Variants in RUFY2 observed in about 807,000 individuals in gnomAD.
RUFY2 encodes RUN and FYVE domain-containing protein 2.
A neutral mutation model predicts 94.4 loss-of-function variants in RUFY2; 49 were observed. The observed-to-expected ratio is 0.52, with a 90% CI of 0.41 to 0.66. The LOEUF is 0.66. Ranked by LOEUF, RUFY2 falls within the 30% of genes least tolerant of loss-of-function variation. The probability of loss-of-function intolerance (pLI) is 0.00; values close to 1 mark genes in which losing one functional copy is unlikely to be tolerated. For missense variants in RUFY2, 541 were observed against 692.8 expected, an observed-to-expected ratio of 0.78 and a Z score of 2.46; for synonymous variants, 255 against 235.7, an observed-to-expected ratio of 1.08 and a Z score of -0.75.
At chr10:68,341,194 A>G (rs776610586), downstream of RUFY2, 6 of 1,582,160 alleles carry the variant, frequency 3.8e-6, no homozygotes. Flanking sequence ...CACTAAATCC[A>G]ATACGAGTTC....
chr10:68,376,809 G>T (rs41278508), intron 13 of RUFY2, 44 bp downstream of exon 13: 70,544 of 1,558,046 alleles, frequency 0.045, 1,992 homozygotes, highest in Middle Eastern at 0.066. Flanking sequence ...AAATGAGGGG[G>T]TTATGTTAAC....
intron 15 of RUFY2, among the ~76,000 whole-genome samples, chr10:68,356,066 G>A (rs1458524781): frequency 1.3e-5 from 2 of 152,048 alleles, no homozygotes; most frequent in African/African-American, 4.8e-5. Context: ...ATGAAGAAAT[G>A]ACTGATGAAG....
Position 68,376,608 on chromosome 10 carries a change from T to C in RUFY2, c.1325+245A>G, listed in dbSNP as rs2048698195. Reference sequence around the variant, plus strand: ...TAATGTTAAACAACAGAAGAATGAATAAAACTCTCCTAGAGCAAGAAGACA... The same window carrying C: ...TAATGTTAAACAACAGAAGAATGAACAAAACTCTCCTAGAGCAAGAAGACA... On this transcript the variant is annotated intron_variant, in intron 13 of 17. Coordinates refer to ENST00000602465, the MANE Select transcript of RUFY2 (RefSeq NM_001330103.2). Among the ~76,000 whole-genome samples the C allele has an allele frequency of 2.0e-5, 3 of 150,100 alleles. No individual in the cohort carries two copies. In the Admixed American group the frequency reaches 2.0e-4, roughly 10 times the overall value.
chr10:68,383,263 T>C (rs1017078641), intron 10 of RUFY2, among the ~76,000 whole-genome samples: 4 of 152,122 alleles, frequency 2.6e-5, no homozygotes, highest in Non-Finnish European at 5.9e-5. Context: ...AGGCAGAGGC[T>C]GCAGTGAGCC....
intron 11 of RUFY2, 139 bp from the exon 12 acceptor site, chr10:68,379,660 C>A (rs536864386): frequency 1.2e-5 from 7 of 577,054 alleles, no homozygotes; most frequent in Non-Finnish European, 2.1e-5. Flanking sequence ...CAAGCTATCC[C>A]ACCTCTCAGC....
At chr10:68,377,656 T>G (rs1589889096) in intron 12 of RUFY2, 1 of 985,306 alleles carries the variant, frequency 1.0e-6, no homozygotes, top group South Asian at 4.7e-5. Flanking sequence ...ATTTTCATCT[T>G]TCCTGTTTTT....
At chr10:68,353,374 T>C (rs1467419993) in intron 16 of RUFY2, among the ~76,000 whole-genome samples, 1 of 147,728 alleles carries the variant, frequency 6.8e-6, no homozygotes, top group East Asian at 2.0e-4. Flanking sequence ...GGCAGGTGCC[T>C]GTAATTTCAG....
chr10:68,372,013 G>A (rs1266776771), intron 13 of RUFY2, among the ~76,000 whole-genome samples: 2 of 152,198 alleles, frequency 1.3e-5, no homozygotes, highest in Admixed American at 6.5e-5. Context: ...CTAAAGAGCT[G>A]AGCATGGTGG....
At chr10:68,351,484 CTG>C (rs2046673376) in intron 16 of RUFY2, among the ~76,000 whole-genome samples, 1 of 126,158 alleles carries the variant, frequency 7.9e-6, no homozygotes, top group Non-Finnish European at 1.6e-5. Flanking sequence ...GAATCTTGCT[CTG>C]TCGCCCAGGC....
intron 13 of RUFY2, among the ~76,000 whole-genome samples, chr10:68,371,548 C>T (rs913761629): frequency 2.0e-5 from 3 of 151,214 alleles, no homozygotes; most frequent in East Asian, 1.9e-4. Context: ...GCCGAGATCG[C>T]GCCACTGCAC....
intron 8 of RUFY2, 104 bp downstream of exon 8, chr10:68,385,953 TGA>T (rs2049464431): frequency 3.3e-6 from 2 of 607,792 alleles, no homozygotes; most frequent in African/African-American, 3.8e-5. Context: ...ATCACAATGA[TGA>T]GTGTGTGTTC....
intron 16 of RUFY2, among the ~76,000 whole-genome samples, chr10:68,354,387 G>T (rs1008066727): frequency 6.6e-6 from 1 of 151,908 alleles, no homozygotes; most frequent in Admixed American, 6.6e-5. Context: ...TTTTACCCAG[G>T]CTGGTCTTGA....
downstream of RUFY2, chr10:68,341,768 G>A: frequency 6.2e-7 from 1 of 1,603,016 alleles, no homozygotes; most frequent in African/African-American, 1.3e-5. Context: ...GATAATCAGG[G>A]AGGCTATGGA....
chr10:68,372,273 T>C (rs887232997), intron 13 of RUFY2, among the ~76,000 whole-genome samples: 19 of 151,894 alleles, frequency 1.3e-4, no homozygotes, highest in Non-Finnish European at 4.4e-5. Context: ...GGTGGTATGC[T>C]ACTATCATCC....
intron 15 of RUFY2, among the ~76,000 whole-genome samples, chr10:68,361,599 A>T (rs1208458563): frequency 6.6e-6 from 1 of 152,210 alleles, no homozygotes; most frequent in Non-Finnish European, 1.5e-5. Flanking sequence ...ACCACAATGC[A>T]GATTGTTCTT....
chr10:68,379,959 C>T (rs2048928141), intron 11 of RUFY2, among the ~76,000 whole-genome samples: 1 of 151,970 alleles, frequency 6.6e-6, no homozygotes, highest in Non-Finnish European at 1.5e-5. Context: ...AGGTGCCCGC[C>T]ACTGCGCCCA....
intron 1 of RUFY2, among the ~76,000 whole-genome samples, chr10:68,406,223 A>G (rs2051290249): frequency 6.6e-6 from 1 of 152,092 alleles, no homozygotes; most frequent in African/African-American, 2.4e-5. Context: ...TCCAGCTCCG[A>G]TTTCTAGATA....
At chr10:68,388,731 T>C (rs561636570) in intron 7 of RUFY2, among the ~76,000 whole-genome samples, 161 of 149,668 alleles carry the variant, frequency 1.1e-3, no homozygotes, top group African/African-American at 3.7e-3. Context: ...AGCTACTTGG[T>C]AGGCTGAGGT....
intron 15 of RUFY2, among the ~76,000 whole-genome samples, chr10:68,361,554 G>A (rs2047465194): frequency 6.6e-6 from 1 of 152,172 alleles, no homozygotes; most frequent in South Asian, 2.1e-4. Flanking sequence ...TCAATAAATG[G>A]ATGCCAGATT....
Sources: gnomAD v4.1 joint callset for allele counts (sites outside exome capture counted in the v4.1 genomes callset) on GRCh38, gnomAD v4.1.1 for gene constraint, MANE v1.5 for transcripts, NCBI Gene and HGNC (gene_info 2026-07-23, HGNC 2026-07-21) for gene names.